BBX: variants seen among roughly 807,000 people sequenced by gnomAD.
BBX encodes the protein BBX high mobility group box domain containing.
BBX carries 30 observed loss-of-function variants against 100.2 expected under a neutral mutation model. The observed-to-expected ratio is 0.30, with a 90% CI of 0.22 to 0.41. The LOEUF (loss-of-function observed/expected upper bound fraction) is 0.41, where lower values mean the gene tolerates loss of function less well. BBX is among the 10% of genes least tolerant of loss of function. The pLI is 1.00. For missense variants in BBX, 1,023 were observed against 1,129.8 expected (o/e 0.91, Z 1.35); for synonymous variants, 376 against 388.1 (o/e 0.97, Z 0.37).
chr3:107,561,263 C>G (rs144839686), intron 2 of BBX, among the ~76,000 whole-genome samples: 267 of 152,292 alleles, frequency 1.8e-3, no homozygotes, highest in African/African-American at 6.2e-3. Context: ...GTGCTTAGGA[C>G]AGATTGTCCT....
At chr3:107,524,277 A>G (rs2047580551) in intron 1 of BBX, 1 of 152,020 alleles carries the variant, frequency 6.6e-6, no homozygotes, top group Admixed American at 6.6e-5. Context: ...CTCTAGAAAG[A>G]GCTCCCTAGC....
At chr3:107,573,560 A>AAAACAAAC (rs375986548) in intron 2 of BBX, among the ~76,000 whole-genome samples, 6 of 152,108 alleles carry the variant, frequency 3.9e-5, no homozygotes, top group African/African-American at 1.4e-4. Context: ...ACTCCGTCTC[A>AAAACAAAC]AAACAAACAA....
intron 3 of BBX, among the ~76,000 whole-genome samples, chr3:107,686,559 C>A (rs2059861056): frequency 6.6e-6 from 1 of 151,874 alleles, no homozygotes; most frequent in South Asian, 2.1e-4. Context: ...TTTGCAGTAT[C>A]AATAATTTAG....
chr3:107,691,392 A>G (rs1361913848), intron 3 of BBX, among the ~76,000 whole-genome samples: 1 of 152,222 alleles, frequency 6.6e-6, no homozygotes, highest in Non-Finnish European at 1.5e-5. Flanking sequence ...CATTCATTCT[A>G]AACACATAAA....
intron 2 of BBX, among the ~76,000 whole-genome samples, chr3:107,626,998 C>T (rs1449929296): frequency 6.6e-6 from 1 of 152,076 alleles, no homozygotes; most frequent in East Asian, 1.9e-4. Context: ...GCTGGTATTT[C>T]CCAGAGCAAG....
chr3:107,811,088 A>C lies in BBX; in HGVS notation c.*5631A>C, dbSNP rs2071266389. 1 of 152,176 alleles carries C rather than the reference A, an allele frequency of 6.6e-6. No individual in the cohort carries two copies. The highest frequency in any genetic ancestry group is 2.4e-5 in the African/African-American group (1 of 41,452). 9.4% of individuals were successfully genotyped at this position (152,176 alleles called of 1,614,324 possible). A position where few individuals can be genotyped will look rare whatever the true frequency, so the allele number is the denominator to read the frequency against. ...TTTCTTTCTTCAAAATCTTATACCT[A>C]ATTTGATATTTCTAAAAATTGCACA... On this transcript the variant is annotated 3_prime_UTR_variant, in exon 18 of 18. Coordinates refer to ENST00000325805, the MANE Select transcript of BBX (RefSeq NM_001142568.3).
chr3:107,589,581 T>G (rs1046862280), intron 2 of BBX, among the ~76,000 whole-genome samples: 16 of 152,156 alleles, frequency 1.1e-4, no homozygotes, highest in African/African-American at 3.6e-4. Context: ...TTGGCACTGT[T>G]TGAAGAAGTT....
In BBX at chr3:107,755,580, G is replaced by A; in HGVS notation, c.826-18G>A. On this transcript the variant is annotated intron_variant, in intron 9 of 17. Transcript: ENST00000325805. ...GTATCACAACTAATATTCCCTATTT[G>A]GATTGTCTTTAATATAGATTTCTTC... The A allele has an allele frequency of 6.2e-7, 1 of 1,603,970 alleles. No homozygotes were observed. Among genetic ancestry groups the A allele is most frequent in the Admixed American group, 1.7e-5 (1 of 59,956 alleles).
intron 2 of BBX, among the ~76,000 whole-genome samples, chr3:107,561,637 C>T (rs1237807106): frequency 2.6e-5 from 4 of 151,872 alleles, no homozygotes; most frequent in East Asian, 3.9e-4. Flanking sequence ...TTATATCATC[C>T]GTATATATTT....
At position 107,810,847 on chromosome 3, in the gene BBX, C is replaced by T. The variant is rs1018718603; in HGVS notation, c.*5390C>T. 1 of 152,196 alleles carries T rather than the reference C, an allele frequency of 6.6e-6. No individual in the cohort carries two copies. Among genetic ancestry groups the T allele is most frequent in the Non-Finnish European group, 1.5e-5 (1 of 68,040 alleles). The allele number at this position is 152,196 out of a possible 1,614,324, so 9.4% of individuals were successfully genotyped here. A position where few individuals can be genotyped will look rare whatever the true frequency, so the allele number is the denominator to read the frequency against. On this transcript the variant is annotated 3_prime_UTR_variant, in exon 18 of 18. Transcript: ENST00000325805. ...TGCTTACTCACATGTCATAAATTAA[C>T]CACAGCTTCATTTGACCACCAGGTC...
intron 10 of BBX, among the ~76,000 whole-genome samples, chr3:107,767,531 G>A (rs552513029): frequency 1.6e-4 from 25 of 152,288 alleles, no homozygotes; most frequent in African/African-American, 5.8e-4. Flanking sequence ...TTGACAAGTT[G>A]TGTGAAATAG....
intron 6 of BBX, among the ~76,000 whole-genome samples, chr3:107,731,518 C>A (rs1003778889): frequency 3.3e-5 from 5 of 152,096 alleles, no homozygotes; most frequent in Admixed American, 2.6e-4. Flanking sequence ...CAAAACAATA[C>A]CAAAGAGCTT....
chr3:107,713,722 G>A (rs533862680), intron 4 of BBX, among the ~76,000 whole-genome samples: 1 of 152,196 alleles, frequency 6.6e-6, no homozygotes, highest in Non-Finnish European at 1.5e-5. Flanking sequence ...TCAAATGCAT[G>A]CGTTTAAATA....
intron 9 of BBX, among the ~76,000 whole-genome samples, chr3:107,752,510 T>C (rs536642049): frequency 6.6e-6 from 1 of 152,334 alleles, no homozygotes; most frequent in East Asian, 1.9e-4. Context: ...AATACCGTCA[T>C]AATTGCAAGA....
At chr3:107,589,894 A>G (rs963180341) in intron 2 of BBX, among the ~76,000 whole-genome samples, 5 of 152,220 alleles carry the variant, frequency 3.3e-5, no homozygotes, top group African/African-American at 7.2e-5. Context: ...TAGAGGTTTC[A>G]TGCTCTATGA....
At chr3:107,665,433 T>C (rs909409191) in intron 3 of BBX, among the ~76,000 whole-genome samples, 2 of 152,134 alleles carry the variant, frequency 1.3e-5, no homozygotes, top group African/African-American at 4.8e-5. Flanking sequence ...TATCTTCTAA[T>C]TGAAATGAAA....
chr3:107,652,949 C>A (rs769490478), intron 3 of BBX, among the ~76,000 whole-genome samples: 7 of 152,136 alleles, frequency 4.6e-5, no homozygotes, highest in Non-Finnish European at 1.0e-4. Flanking sequence ...CTATTTTGTG[C>A]ATGTCTGTAT....
In BBX at chr3:107,772,897, T is replaced by C; in HGVS notation, c.1176T>C (p.Ile392=). The C allele has an allele frequency of 6.2e-7, 1 of 1,609,982 alleles. No individual in the cohort carries two copies. Among genetic ancestry groups the C allele is most frequent in the African/African-American group, 1.3e-5 (1 of 74,634 alleles). Residue 392 remains isoleucine (I), a synonymous_variant, in exon 11 of 18, where the codon ATT becomes ATC. Transcript: ENST00000325805. The part of the protein sequence containing the change: ...MAIKMEDPKE[I]RKEELEEDHK... ...TAAAAATGGAAGATCCCAAAGAAAT[T>C]AGAAAGGAAGAGTTAGAAGAAGATC...
intron 5 of BBX, among the ~76,000 whole-genome samples, chr3:107,718,184 TTAATTATATTAGTATTTA>T (rs1033934504): frequency 2.7e-5 from 4 of 148,110 alleles, no homozygotes; most frequent in East Asian, 1.9e-4. Context: ...ACCATAATTA[TTAATTATATTAGTATTTA>T]TAATTATATT....
Sources: gnomAD v4.1 joint callset for allele counts (sites outside exome capture counted in the v4.1 genomes callset) on GRCh38, gnomAD v4.1.1 for gene constraint, MANE v1.5 for transcripts, NCBI Gene and HGNC (gene_info 2026-07-23, HGNC 2026-07-21) for gene names.